PPP3CA: variants seen among roughly 807,000 people sequenced by gnomAD.
The protein encoded by PPP3CA is protein phosphatase 3 catalytic subunit alpha.
PPP3CA carries 14 observed loss-of-function variants against 66.5 expected under a neutral mutation model. That is an observed-to-expected ratio of 0.21 (90% confidence interval 0.14 to 0.33). PPP3CA has a LOEUF of 0.33. Among genes scored for constraint, PPP3CA ranks in the 10% least tolerant of loss-of-function variants. The probability of loss-of-function intolerance (pLI) is 1.00; values close to 1 mark genes in which losing one functional copy is unlikely to be tolerated. For synonymous variants in PPP3CA, 232 were observed against 226.2 expected (o/e 1.03, Z -0.23); for missense variants, 317 against 639.5 (o/e 0.50, Z 5.44).
In PPP3CA at chr4:101,266,026, T is replaced by TTTATATATAGA. The variant is rs1268179451; in HGVS notation, c.59-69911_59-69910insTCTATATATAA. ...GATGAATCACCTTTATATATAGAAC[T>TTTATATATAGA]ACCTTTACATACACAAAGAGGAAGT... On this transcript the variant is annotated intron_variant, in intron 1 of 13. Transcript: ENST00000394854. 9.8e-5 allele frequency among the ~76,000 whole-genome samples: 15 copies of TTTATATATAGA among 152,314 alleles called. No individual in the cohort carries two copies. In the South Asian group the frequency reaches 1.5e-3, roughly 15 times the overall value.
intron 1 of PPP3CA, 26 bp downstream of exon 1, chr4:101,346,713 C>A: frequency 6.2e-7 from 1 of 1,601,904 alleles, no homozygotes; most frequent in Non-Finnish European, 8.5e-7. Context: ...CACGGTGCAC[C>A]CAGGCCACCG....
chr4:101,101,429 C>T (rs1485905515), intron 3 of PPP3CA, among the ~76,000 whole-genome samples: 3 of 152,172 alleles, frequency 2.0e-5, no homozygotes, highest in African/African-American at 7.2e-5. Flanking sequence ...TTTAAAATGT[C>T]TAAGGCTATA....
intron 2 of PPP3CA, among the ~76,000 whole-genome samples, chr4:101,191,538 A>C (rs1724602581): frequency 6.6e-6 from 1 of 152,188 alleles, no homozygotes; most frequent in Non-Finnish European, 1.5e-5. Context: ...ACAGGCCCTA[A>C]AGATTTGGCC....
At chr4:101,258,675 G>A (rs1395945424) in intron 1 of PPP3CA, among the ~76,000 whole-genome samples, 1 of 151,844 alleles carries the variant, frequency 6.6e-6, no homozygotes, top group African/African-American at 2.4e-5. Context: ...CCCATTTCCT[G>A]GTCCTCATCT....
At chr4:101,240,516 G>A (rs960378033) in intron 1 of PPP3CA, among the ~76,000 whole-genome samples, 1 of 151,964 alleles carries the variant, frequency 6.6e-6, no homozygotes, top group Non-Finnish European at 1.5e-5. Flanking sequence ...TGTGTTTAAA[G>A]AAAAATAACC....
At chr4:101,313,787 A>G (rs867546692) in intron 1 of PPP3CA, among the ~76,000 whole-genome samples, 1 of 148,448 alleles carries the variant, frequency 6.7e-6, no homozygotes, top group African/African-American at 2.6e-5. Context: ...TTGGTAATAG[A>G]ATTTTAAATG....
chr4:101,281,238 A>G (rs994794833), intron 1 of PPP3CA, among the ~76,000 whole-genome samples: 1 of 152,252 alleles, frequency 6.6e-6, no homozygotes, highest in African/African-American at 2.4e-5. Flanking sequence ...GCAATTTGAG[A>G]CAGTGAACGT....
At chr4:101,088,824 A>G (rs1324609827) in intron 6 of PPP3CA, among the ~76,000 whole-genome samples, 2 of 152,156 alleles carry the variant, frequency 1.3e-5, no homozygotes, top group African/African-American at 2.4e-5. Context: ...TCACAGTGGG[A>G]AAGAGGAAAG....
chr4:101,158,496 G>A (rs2110304566), intron 2 of PPP3CA, among the ~76,000 whole-genome samples: 1 of 152,242 alleles, frequency 6.6e-6, no homozygotes, highest in African/African-American at 2.4e-5. Context: ...ATGAGTTAAG[G>A]GGGCTCTCCT....
intron 1 of PPP3CA, among the ~76,000 whole-genome samples, chr4:101,269,590 G>GTT (rs1212381781): frequency 2.3e-5 from 3 of 130,188 alleles, no homozygotes; most frequent in Admixed American, 8.9e-5. Context: ...GTGTGTGTGT[G>GTT]TGTGTGTGTG....
intron 1 of PPP3CA, among the ~76,000 whole-genome samples, chr4:101,253,647 C>T (rs1726746195): frequency 6.6e-6 from 1 of 152,062 alleles, no homozygotes; most frequent in Non-Finnish European, 1.5e-5. Context: ...TCTCTGTAGA[C>T]TTTAAATTTT....
chr4:101,232,230 A>G (rs1725984908), intron 1 of PPP3CA, among the ~76,000 whole-genome samples: 1 of 151,674 alleles, frequency 6.6e-6, no homozygotes, highest in Non-Finnish European at 1.5e-5. Flanking sequence ...TGCTGTCAGT[A>G]TATGAATATG....
intron 6 of PPP3CA, among the ~76,000 whole-genome samples, chr4:101,089,806 A>C (rs915919806): frequency 6.6e-6 from 1 of 152,198 alleles, no homozygotes; most frequent in African/African-American, 2.4e-5. Flanking sequence ...ATAATGGTAC[A>C]TTGGGGCAAA....
intron 1 of PPP3CA, among the ~76,000 whole-genome samples, chr4:101,200,075 T>G (rs544509797): frequency 6.6e-6 from 1 of 152,238 alleles, no homozygotes; most frequent in East Asian, 1.9e-4. Context: ...CAAACATGTG[T>G]TCAGTAGCAT....
At chr4:101,236,039 A>G (rs992156648) in intron 1 of PPP3CA, among the ~76,000 whole-genome samples, 1 of 151,906 alleles carries the variant, frequency 6.6e-6, no homozygotes, top group Admixed American at 6.6e-5. Flanking sequence ...TCTGAAAAAA[A>G]AAAAGAAAAG....
intron 1 of PPP3CA, among the ~76,000 whole-genome samples, chr4:101,333,299 T>TTTTTTG (rs1729503812): frequency 3.2e-5 from 4 of 124,898 alleles, no homozygotes; most frequent in Non-Finnish European, 1.7e-5. Flanking sequence ...TTTTTTTTTT[T>TTTTTTG]TTTTTTTTTT....
chr4:101,156,213 A>C (rs1306527709), intron 2 of PPP3CA, among the ~76,000 whole-genome samples: 1 of 152,120 alleles, frequency 6.6e-6, no homozygotes, highest in African/African-American at 2.4e-5. Context: ...TCAATCCCTC[A>C]CTCTGTAACA....
At chr4:101,058,382 G>A (rs1422203569) in intron 10 of PPP3CA, among the ~76,000 whole-genome samples, 1 of 152,146 alleles carries the variant, frequency 6.6e-6, no homozygotes, top group East Asian at 1.9e-4. Flanking sequence ...ATGGACCACT[G>A]AAGGAAGTTG....
chr4:101,163,721 T>C (rs1256608824), intron 2 of PPP3CA, among the ~76,000 whole-genome samples: 1 of 152,142 alleles, frequency 6.6e-6, no homozygotes, highest in Non-Finnish European at 1.5e-5. Flanking sequence ...GCATATATGA[T>C]AGGTACACCA....
Sources: gnomAD v4.1 joint callset for allele counts (sites outside exome capture counted in the v4.1 genomes callset) on GRCh38, gnomAD v4.1.1 for gene constraint, MANE v1.5 for transcripts, NCBI Gene and HGNC (gene_info 2026-07-23, HGNC 2026-07-21) for gene names.